The following PUS7 variants were observed in gnomAD, a reference collection of about 807,000 sequenced individuals.
PUS7 encodes the protein pseudouridine synthase 7, also known as pseudouridylate synthase 7 homolog.
Under a neutral mutation model 79.8 loss-of-function variants are expected in PUS7, and 48 were observed. That is an observed-to-expected ratio of 0.60 (90% confidence interval 0.48 to 0.76). PUS7 has a LOEUF of 0.76. PUS7 is among the 30% of genes least tolerant of loss of function. PUS7 has a pLI of 0.00. For missense variants in PUS7, 729 were observed against 797.6 expected (o/e 0.91, Z 1.04); for synonymous variants, 286 against 272.2 (o/e 1.05, Z -0.50).
rs145591354 is a variant in PUS7 at position 105,464,328 on chromosome 7, A to C, written c.1627+985T>G. 3.4e-3 allele frequency among the ~76,000 whole-genome samples: 512 copies of C among 152,348 alleles called. 4 individuals are homozygous for C. Among genetic ancestry groups the C allele is most frequent in the African/African-American group, 0.011 (439 of 41,588 alleles). ...AGGCACTGAGCTCAGCCTTCTTCTC[A>C]GAGGGAAATCCAGGTGGTTTGGCAT... is the stretch of plus-strand genomic sequence containing the variant. On this transcript the variant is annotated intron_variant, in intron 13 of 15. Coordinates refer to ENST00000469408, the MANE Select transcript of PUS7 (RefSeq NM_019042.5).
At position 105,456,691 on chromosome 7, in the gene PUS7, A is replaced by G. The variant is rs1823201617; in HGVS notation, c.*1099T>C. ...AGTTTATGCAATGCCAGACATGGAA[A>G]TACCAAAGCCACTGGTGACAAAGGG... is the stretch of plus-strand genomic sequence containing the variant. On this transcript the variant is annotated 3_prime_UTR_variant, in exon 16 of 16. Transcript: ENST00000469408. 2 of 152,206 alleles carry G rather than the reference A, an allele frequency of 1.3e-5. No homozygotes were observed. Among genetic ancestry groups the G allele is most frequent in the African/African-American group, 4.8e-5 (2 of 41,452 alleles). The allele number at this position is 152,206 out of a possible 1,614,324, so 9.4% of individuals were successfully genotyped here. A position where few individuals can be genotyped will look rare whatever the true frequency, so the allele number is the denominator to read the frequency against.
intron 12 of PUS7, among the ~76,000 whole-genome samples, chr7:105,467,684 T>C (rs1823714123): frequency 6.6e-6 from 1 of 151,940 alleles, no homozygotes; most frequent in Non-Finnish European, 1.5e-5. Context: ...ATTTCAGCCA[T>C]CCATTTAGCC....
At chr7:105,488,770 T>C (rs73190117) in intron 7 of PUS7, among the ~76,000 whole-genome samples, 23,223 of 152,118 alleles carry the variant, frequency 0.15, 1,804 homozygotes, top group South Asian at 0.19. Flanking sequence ...CCTCAAAAAA[T>C]ATATACCATG....
chr7:105,473,482 A>G (rs1364443074), intron 9 of PUS7, among the ~76,000 whole-genome samples: 2 of 149,336 alleles, frequency 1.3e-5, no homozygotes, highest in African/African-American at 5.0e-5. Context: ...GCAATGGCAC[A>G]ATCTCAGCTC....
At chr7:105,510,396 T>C (rs1562820222) in intron 1 of PUS7, among the ~76,000 whole-genome samples, 1 of 151,728 alleles carries the variant, frequency 6.6e-6, no homozygotes, top group East Asian at 1.9e-4. Flanking sequence ...AAAAAAGGAA[T>C]GGGGAGGTGT....
At chr7:105,485,902 C>T (rs748611047) in intron 7 of PUS7, among the ~76,000 whole-genome samples, 2 of 151,840 alleles carry the variant, frequency 1.3e-5, no homozygotes, top group Non-Finnish European at 2.9e-5. Context: ...CTTACAAAGT[C>T]TCCAGCCTTA....
chr7:105,467,841 T>C (rs1374627519), intron 12 of PUS7, among the ~76,000 whole-genome samples: 10 of 151,840 alleles, frequency 6.6e-5, no homozygotes, highest in Admixed American at 3.9e-4. Context: ...TCGAGGTGCT[T>C]ACTCAAACCA....
Position 105,457,631 on chromosome 7 carries a change from G to T in PUS7, c.*159C>A. 1.6e-6 allele frequency: 1 copy of T among 644,234 alleles called. No individual in the cohort carries two copies. The highest frequency in any genetic ancestry group is 2.4e-6 in the Non-Finnish European group (1 of 418,422). 39.9% of individuals were successfully genotyped at this position (644,234 alleles called of 1,614,324 possible). On this transcript the variant is annotated 3_prime_UTR_variant, in exon 16 of 16. Transcript: ENST00000469408. The stretch of plus-strand genomic sequence containing the variant: ...GGATTTGTGTACATGTACAAATATT[G>T]CAAATTATTTCTTTAAGCTAATAAA...
At chr7:105,477,243 T>C (rs1257261182) in intron 9 of PUS7, among the ~76,000 whole-genome samples, 1 of 152,006 alleles carries the variant, frequency 6.6e-6, no homozygotes, top group East Asian at 1.9e-4. Context: ...ATTTTGAGTT[T>C]ATTTTATTTT....
At position 105,519,806 on chromosome 7, in the gene PUS7, C is replaced by T. The variant is rs536065512; in HGVS notation, c.-33+2246G>A. 3.5e-4 allele frequency among the ~76,000 whole-genome samples: 54 copies of T among 152,198 alleles called. No homozygotes were observed. The South Asian group carries it at 0.011, about 30-fold the overall frequency. On this transcript the variant is annotated intron_variant, in intron 1 of 15. Transcript: ENST00000469408. ...GTAAGAGGGGTGTTCTTCAGTGATG[C>T]CTCGTCTAAGGAGGAGACTTCTGAG...
chr7:105,462,390 C>T (rs1053974207), intron 14 of PUS7: 2 of 443,308 alleles, frequency 4.5e-6, no homozygotes, highest in Non-Finnish European at 7.9e-6. Flanking sequence ...CGAGATCATG[C>T]TATTGTGCTC....
chr7:105,467,879 G>C (rs967198187), intron 12 of PUS7, among the ~76,000 whole-genome samples: 1 of 151,850 alleles, frequency 6.6e-6, no homozygotes, highest in African/African-American at 2.4e-5. Context: ...TAAAAATACA[G>C]ATACAAACTA....
At chr7:105,475,828 C>A (rs1824085319) in intron 9 of PUS7, among the ~76,000 whole-genome samples, 1 of 152,082 alleles carries the variant, frequency 6.6e-6, no homozygotes, top group African/African-American at 2.4e-5. Context: ...ACTCTATACC[C>A]ATTAAATAAT....
chr7:105,510,901 G>A (rs746913508), intron 1 of PUS7, among the ~76,000 whole-genome samples: 7 of 152,100 alleles, frequency 4.6e-5, no homozygotes, highest in Admixed American at 3.3e-4. Context: ...ACTGATGAAT[G>A]TAGTAAACAT....
In PUS7 at chr7:105,514,919, C is replaced by T. The variant is rs181206005; in HGVS notation, c.-32-6375G>A. 2.0e-3 allele frequency among the ~76,000 whole-genome samples: 298 copies of T among 151,916 alleles called. 1 individual carries two copies. The highest frequency in any genetic ancestry group is 6.9e-3 in the African/African-American group (285 of 41,506). ...CCATTCTCCTGCCTCAGCCTCCTCC[C>T]GAGTAGCTGGGACTACAGGCGCCCG... is the stretch of plus-strand genomic sequence containing the variant. On this transcript the variant is annotated intron_variant, in intron 1 of 15. Coordinates refer to ENST00000469408, the MANE Select transcript of PUS7 (RefSeq NM_019042.5).
intron 9 of PUS7, among the ~76,000 whole-genome samples, chr7:105,475,654 C>T (rs187345059): frequency 7.9e-5 from 12 of 152,164 alleles, no homozygotes; most frequent in African/African-American, 2.9e-4. Context: ...TTTATCTTTC[C>T]TTCTTCTACC....
chr7:105,461,145 G>A (rs984939206), intron 14 of PUS7, among the ~76,000 whole-genome samples: 6 of 152,240 alleles, frequency 3.9e-5, no homozygotes, highest in South Asian at 2.1e-4. Context: ...ATTTTTAAAC[G>A]AACTAACATA....
chr7:105,521,659 T>G (rs922513465), intron 1 of PUS7, among the ~76,000 whole-genome samples: 1 of 152,110 alleles, frequency 6.6e-6, no homozygotes, highest in Admixed American at 6.5e-5. Flanking sequence ...TCAGGGCCAG[T>G]GTTCCTCTGA....
At chr7:105,507,587 G>A (rs1825522153) in intron 2 of PUS7, among the ~76,000 whole-genome samples, 2 of 152,008 alleles carry the variant, frequency 1.3e-5, no homozygotes, top group South Asian at 4.2e-4. Flanking sequence ...TGTCACCCAG[G>A]CTGGAATGCA....
Sources: gnomAD v4.1 joint callset for allele counts (sites outside exome capture counted in the v4.1 genomes callset) on GRCh38, gnomAD v4.1.1 for gene constraint, MANE v1.5 for transcripts, NCBI Gene and HGNC (gene_info 2026-07-23, HGNC 2026-07-21) for gene names.